The following KDR variants were observed in gnomAD, a reference collection of about 807,000 sequenced individuals.
KDR encodes the protein vascular endothelial growth factor receptor 2.
KDR carries 43 observed loss-of-function variants against 160.9 expected under a neutral mutation model. That is an observed-to-expected ratio of 0.27 (90% CI 0.21 to 0.34). The LOEUF (loss-of-function observed/expected upper bound fraction) is 0.34. KDR is among the 10% of genes least tolerant of loss of function. KDR has a pLI of 1.00. For missense variants in KDR, 1,469 were observed against 1,666.4 expected (o/e 0.88, Z 2.06); for synonymous variants, 617 against 600.1 (o/e 1.03, Z -0.41).
rs1276952719 is a variant in KDR at position 55,104,024 on chromosome 4, G to A, written c.1987+619C>T. 2.6e-5 allele frequency among the ~76,000 whole-genome samples: 4 copies of A among 152,306 alleles called. No individual in the cohort carries two copies. In the East Asian group the frequency reaches 5.8e-4, roughly 22 times the overall value. ...GATCGTCCCATTGACCTTGGGCTACGCTGGATCATGTGGGATGACCCAGAG... is the reference window on the plus strand; with the variant it reads ...GATCGTCCCATTGACCTTGGGCTACACTGGATCATGTGGGATGACCCAGAG... On this transcript the variant is annotated intron_variant, in intron 13 of 29. Transcript: ENST00000263923.
intron 18 of KDR, among the ~76,000 whole-genome samples, chr4:55,097,058 C>A (rs1485815038): frequency 6.6e-6 from 1 of 152,164 alleles, no homozygotes; most frequent in Admixed American, 6.5e-5. Flanking sequence ...AAGAACATCA[C>A]AATTGAAGAA....
At position 55,092,671 on chromosome 4, in the gene KDR, G is replaced by T. The variant is rs1720048897; in HGVS notation, c.3015C>A (p.Leu1005=). ...TAGCCACTTGGAAGCTGTAACAGAT[G>T]AGATGCTCCAAGGTCAGGAAGTCCT... ...LYKDFLTLEH[L]ICYSFQVAKG... is the part of the protein sequence containing the mutation. The change falls in exon 22 of 30, where the codon CTC becomes CTA. Residue 1005 remains leucine (L), a synonymous_variant. Coordinates refer to ENST00000263923, the MANE Select transcript of KDR (RefSeq NM_002253.4). The T allele has an allele frequency of 6.2e-7, 1 of 1,614,002 alleles. No homozygotes were observed. The highest frequency in any genetic ancestry group is 2.2e-5 in the East Asian group (1 of 44,876).
chr4:55,106,614 T>C (rs778962400), intron 11 of KDR, 73 bp downstream of exon 11: 55 of 1,080,212 alleles, frequency 5.1e-5, no homozygotes, highest in Non-Finnish European at 7.3e-5. Flanking sequence ...ATCTCCAATA[T>C]GCCTCACATA....
chr4:55,099,648 T>C (rs1406810579), intron 15 of KDR, among the ~76,000 whole-genome samples: 2 of 152,200 alleles, frequency 1.3e-5, no homozygotes, highest in Non-Finnish European at 2.9e-5. Flanking sequence ...CTAATGACCA[T>C]GTATCTACTA....
chr4:55,100,721 G>A (rs1312988201), intron 15 of KDR, among the ~76,000 whole-genome samples: 1 of 151,978 alleles, frequency 6.6e-6, no homozygotes, highest in Non-Finnish European at 1.5e-5. Flanking sequence ...AACATATCTC[G>A]ATGCAATACT....
intron 1 of KDR, among the ~76,000 whole-genome samples, chr4:55,124,260 T>G (rs1204636583): frequency 6.6e-6 from 1 of 152,042 alleles, no homozygotes; most frequent in Non-Finnish European, 1.5e-5. Context: ...TTTCTCACCC[T>G]GCAAAGGGTG....
At chr4:55,089,909 T>G (rs1236345670) in intron 23 of KDR, 47 bp downstream of exon 23, 4 of 1,612,278 alleles carry the variant, frequency 2.5e-6, no homozygotes, top group Non-Finnish European at 3.4e-6. Flanking sequence ...ACGAGGAGTT[T>G]TAATTCTGTT....
Position 55,104,906 on chromosome 4 carries a change from C to T in KDR, c.1724G>A (p.Arg575Lys), listed in dbSNP as rs754856383. ...CCATGTGAGGTTCTCAAACGTAGAT[C>T]TGTCTGCAGTGCACCACAAAGACAC... Reference protein sequence around the residue: ...ESVSLWCTADRSTFENLTWYK... With the variant: ...ESVSLWCTADKSTFENLTWYK... The change falls in exon 13 of 30, where the codon AGA becomes AAA. Residue 575 changes from arginine to lysine, a missense_variant. Physicochemically the swap from Arg to Lys is conservative, Grantham distance 26. Transcript: ENST00000263923. 1.1e-5 allele frequency: 18 copies of T among 1,614,022 alleles called. No individual in the cohort carries two copies. The highest frequency in any genetic ancestry group is 1.3e-5 in the Non-Finnish European group (15 of 1,179,928).
At chr4:55,125,128 A>G in intron 1 of KDR, 99 bp downstream of exon 1, 1 of 1,122,720 alleles carries the variant, frequency 8.9e-7, no homozygotes, top group Non-Finnish European at 1.3e-6. Context: ...AGTCCTGTCC[A>G]ACTCTCCAGC....
intron 26 of KDR, 52 bp downstream of exon 26, chr4:55,088,816 C>T: frequency 3.2e-6 from 4 of 1,258,214 alleles, no homozygotes; most frequent in Non-Finnish European, 4.7e-6. Flanking sequence ...GTAGGAAAGT[C>T]CTTGACATCT....
At position 55,087,748 on chromosome 4, in the gene KDR, T is replaced by G; in HGVS notation, c.3521A>C (p.Asp1174Ala). 6.2e-7 allele frequency: 1 copy of G among 1,614,184 alleles called. No homozygotes were observed. Among genetic ancestry groups the G allele is most frequent in the Non-Finnish European group, 8.5e-7 (1 of 1,179,998 alleles). ...LQANAQQDGK[D>A]YIVLPISETL... ...CTCTGATATCGGAAGAACAATGTAG[T>G]CTTTGCCATCCTGAAACAATAAACA... Residue 1174 changes from aspartate (D) to alanine (A), a missense_variant, in exon 27 of 30, where the codon GAC (aspartate) becomes GCC (alanine). By Grantham distance (126) the Asp-to-Ala change is moderately radical. Transcript: ENST00000263923.
chr4:55,083,541 CCTT>C (rs999381962), intron 27 of KDR, among the ~76,000 whole-genome samples: 21 of 152,130 alleles, frequency 1.4e-4, no homozygotes, highest in African/African-American at 4.6e-4. Context: ...CAGATCCTCT[CCTT>C]CTTGAGAATG....
chr4:55,115,655 G>GA (rs768219691), intron 3 of KDR, among the ~76,000 whole-genome samples: 14 of 150,518 alleles, frequency 9.3e-5, no homozygotes, highest in Non-Finnish European at 2.1e-4. Flanking sequence ...TAAAAATTTT[G>GA]AAAAAAAACT....
rs754415523 is a variant in KDR, at chr4:55,082,021, A to G, written c.3783T>C (p.Gly1261=). ...TCAGCTCTTCTGAGGCAAGAACCAT[A>G]CCACTGTCCGTCTGGTTGTCCTTTT... is the stretch of plus-strand genomic sequence containing the variant. ...VIPDDNQTDS[G]MVLASEELKT... Residue 1261 remains glycine (G), a synonymous_variant, in exon 29 of 30, where the codon GGT becomes GGC. Transcript: ENST00000263923. 17 of 1,613,468 alleles carry G rather than the reference A, an allele frequency of 1.1e-5. No individual in the cohort carries two copies. The African/African-American group carries it at 1.5e-4, about 14-fold the overall frequency.
At chr4:55,098,324 T>G (rs968578326) in intron 16 of KDR, 52 bp from the exon 17 acceptor site, 1 of 1,606,474 alleles carries the variant, frequency 6.2e-7, no homozygotes, top group Non-Finnish European at 8.5e-7. Flanking sequence ...TTGGCTGTTG[T>G]TTTGTGTGCT....
intron 12 of KDR, 23 bp downstream of exon 12, chr4:55,105,809 A>T (rs1189520952): frequency 4.1e-6 from 6 of 1,450,798 alleles, no homozygotes; most frequent in Non-Finnish European, 4.9e-6. Flanking sequence ...ATCCAACCCA[A>T]ACCTCCAGAG....
At chr4:55,095,722 C>A (rs962250590) in intron 19 of KDR, 57 bp from the exon 20 acceptor site, 31 of 1,274,280 alleles carry the variant, frequency 2.4e-5, no homozygotes, top group Non-Finnish European at 5.7e-6. Context: ...CCTCACTAAG[C>A]GTTTAATATA....
intron 1 of KDR, among the ~76,000 whole-genome samples, chr4:55,123,114 C>T (rs1720937427): frequency 6.6e-6 from 1 of 152,110 alleles, no homozygotes; most frequent in Non-Finnish European, 1.5e-5. Flanking sequence ...GCCCCCAAAA[C>T]AGGCAAACAA....
chr4:55,087,546 C>A, intron 27 of KDR, 61 bp downstream of exon 27: 1 of 1,496,546 alleles, frequency 6.7e-7, no homozygotes, highest in East Asian at 2.3e-5. Context: ...ACTTCCAATC[C>A]CCCTCCCGAG....
Sources: allele counts gnomAD v4.1 joint callset (sites outside exome capture counted in the v4.1 genomes callset), GRCh38; gene constraint gnomAD v4.1.1; transcripts MANE v1.5; gene names NCBI Gene and HGNC (gene_info 2026-07-23, HGNC 2026-07-21).